ZNF329: variants seen among roughly 807,000 people sequenced by gnomAD.
The protein encoded by ZNF329 is zinc finger protein 329.
ZNF329 carries 15 observed loss-of-function variants against 26.6 expected under a neutral mutation model. The observed-to-expected ratio is 0.56, with a 90% CI of 0.38 to 0.87. The LOEUF (loss-of-function observed/expected upper bound fraction) is 0.87. Among genes scored for constraint, ZNF329 ranks in the 40% least tolerant of loss-of-function variants. ZNF329 has a pLI of 0.00. For missense variants in ZNF329, 651 were observed against 651.9 expected, an observed-to-expected ratio of 1.00 and a Z score of 0.02; for synonymous variants, 239 against 233.5, an observed-to-expected ratio of 1.02 and a Z score of -0.21.
chr19:58,144,383 T>TCTATCC (rs2075256185), intron 1 of ZNF329, among the ~76,000 whole-genome samples: 1 of 34,938 alleles, frequency 2.9e-5, no homozygotes, highest in Admixed American at 3.2e-4. Context: ...TATCTATCTA[T>TCTATCC]ATATATATAT....
At chr19:58,146,107 C>T (rs1424928003) in intron 1 of ZNF329, among the ~76,000 whole-genome samples, 2 of 151,268 alleles carry the variant, frequency 1.3e-5, no homozygotes, top group Non-Finnish European at 2.9e-5. Flanking sequence ...TGGATCAAAA[C>T]AAATACCCAA....
chr19:58,144,950 C>T (rs1261099558), intron 1 of ZNF329, among the ~76,000 whole-genome samples: 6 of 149,146 alleles, frequency 4.0e-5, no homozygotes, highest in African/African-American at 1.5e-4. Flanking sequence ...CCCGGGTTCA[C>T]GCCATTCTCC....
intron 1 of ZNF329, among the ~76,000 whole-genome samples, chr19:58,144,622 C>G (rs1310041213): frequency 6.6e-6 from 1 of 151,476 alleles, no homozygotes. Flanking sequence ...CTCCTGACCT[C>G]AGGTGATCTG....
intron 3 of ZNF329, among the ~76,000 whole-genome samples, chr19:58,134,522 A>G (rs1041446933): frequency 1.3e-5 from 2 of 152,248 alleles, no homozygotes; most frequent in African/African-American, 2.4e-5. Context: ...CATAAAAGCC[A>G]AAAGTGAAAG....
At chr19:58,135,453 G>T (rs1027934830) in intron 3 of ZNF329, among the ~76,000 whole-genome samples, 3 of 152,038 alleles carry the variant, frequency 2.0e-5, no homozygotes, top group Admixed American at 2.0e-4. Context: ...TTTTAGTAGA[G>T]ACAGGTTTCA....
At chr19:58,146,598 C>T (rs543779663) in intron 1 of ZNF329, among the ~76,000 whole-genome samples, 7 of 151,614 alleles carry the variant, frequency 4.6e-5, no homozygotes, top group South Asian at 2.1e-4. Flanking sequence ...CCTCTGATGC[C>T]GAGCCGAAGC....
chr19:58,144,693 A>AT (rs34490866), intron 1 of ZNF329, among the ~76,000 whole-genome samples: 6,291 of 127,618 alleles, frequency 0.049, 159 homozygotes, highest in Non-Finnish European at 0.054. Context: ...CCAGCCAAGA[A>AT]TTTTTTTTTT....
chr19:58,147,498 A>G, intron 1 of ZNF329, among the ~76,000 whole-genome samples: 1 of 128,204 alleles, frequency 7.8e-6, no homozygotes, highest in African/African-American at 3.2e-5. Flanking sequence ...CCTACTGGGA[A>G]GTGAGGAGCC....
At chr19:58,147,957 G>A (rs1457824948) in intron 1 of ZNF329, among the ~76,000 whole-genome samples, 1 of 152,094 alleles carries the variant, frequency 6.6e-6, no homozygotes, top group Non-Finnish European at 1.5e-5. Context: ...TAGAAAGGGG[G>A]GAAAGGTGGG....
intron 1 of ZNF329, among the ~76,000 whole-genome samples, chr19:58,146,751 C>T (rs1451404093): frequency 1.3e-5 from 2 of 152,076 alleles, no homozygotes; most frequent in African/African-American, 2.4e-5. Context: ...CGGGGTTTCG[C>T]TGTGTTGGCC....
chr19:58,127,719 G>T lies in ZNF329; in HGVS notation c.*159C>A. Reference sequence around the variant, plus strand: ...AGTTGTCTCTGGAGTTCCCCAATGAGCAGACTTAACAGTGTGGCTCAGCAA... The same window carrying T: ...AGTTGTCTCTGGAGTTCCCCAATGATCAGACTTAACAGTGTGGCTCAGCAA... On this transcript the variant is annotated 3_prime_UTR_variant, in exon 4 of 4. Transcript: ENST00000598312. 1 of 698,412 alleles carries T rather than the reference G, an allele frequency of 1.4e-6. No homozygotes were observed. Among genetic ancestry groups the T allele is most frequent in the Non-Finnish European group, 2.3e-6 (1 of 439,462 alleles). 43.3% of individuals were successfully genotyped at this position (698,412 alleles called of 1,614,324 possible).
chr19:58,128,411 G>A lies in ZNF329; in HGVS notation c.1093C>T (p.His365Tyr), dbSNP rs1568655613. ...CACTCAAAGGGCTTTTCTCCAGTGTGAGTCCTCTCATGCTGGGTGAGGTAC... is the reference window on the plus strand; with the variant it reads ...CACTCAAAGGGCTTTTCTCCAGTGTAAGTCCTCTCATGCTGGGTGAGGTAC... ...GSYLTQHERTHTGEKPFECAE... is the reference protein window; with the variant it reads ...GSYLTQHERTYTGEKPFECAE... The change falls in exon 4 of 4, where the codon CAC (histidine) becomes TAC (tyrosine). Residue 365 changes from histidine (H) to tyrosine (Y), a missense_variant. Coordinates refer to ENST00000598312, the MANE Select transcript of ZNF329 (RefSeq NM_024620.4). The A allele has an allele frequency of 6.2e-6, 10 of 1,614,076 alleles. No homozygotes were observed. Among genetic ancestry groups the A allele is most frequent in the Non-Finnish European group, 8.5e-6 (10 of 1,180,012 alleles).
intron 1 of ZNF329, among the ~76,000 whole-genome samples, chr19:58,145,666 G>A (rs2075292049): frequency 6.6e-6 from 1 of 152,106 alleles, no homozygotes; most frequent in Admixed American, 6.6e-5. Context: ...TAAAGAAAAA[G>A]ATTTGAAACA....
At chr19:58,154,529 C>T (rs889527809), upstream of ZNF329, among the ~76,000 whole-genome samples, 1 of 152,242 alleles carries the variant, frequency 6.6e-6, no homozygotes, top group Non-Finnish European at 1.5e-5. Flanking sequence ...TTCGCGAACG[C>T]CCCAGTGGAG....
At chr19:58,142,682 T>C (rs563852572) in intron 2 of ZNF329, 21 bp from the exon 3 acceptor site, 1 of 152,804 alleles carries the variant, frequency 6.5e-6, no homozygotes, top group East Asian at 1.9e-4. Context: ...CCCATAATAA[T>C]GTTTACTTTA....
At chr19:58,143,313 G>A (rs1414416623) in intron 1 of ZNF329, 115 bp from the exon 2 acceptor site, 1 of 152,142 alleles carries the variant, frequency 6.6e-6, no homozygotes, top group Non-Finnish European at 1.5e-5. Flanking sequence ...AGAGGAGCTA[G>A]ACCAGGTACA....
At chr19:58,148,594 T>C (rs1375059112) in intron 1 of ZNF329, among the ~76,000 whole-genome samples, 1 of 152,114 alleles carries the variant, frequency 6.6e-6, no homozygotes, top group African/African-American at 2.4e-5. Context: ...GGCTCACACC[T>C]GTAATCCCAC....
intron 1 of ZNF329, among the ~76,000 whole-genome samples, chr19:58,147,623 C>T (rs1287499390): frequency 4.2e-5 from 6 of 144,536 alleles, no homozygotes; most frequent in Admixed American, 6.7e-5. Flanking sequence ...CCTGGCCAGA[C>T]GCCCCGTCCA....
chr19:58,144,366 A>ATCTG (rs2075253973), intron 1 of ZNF329, among the ~76,000 whole-genome samples: 1 of 78,486 alleles, frequency 1.3e-5, no homozygotes, highest in African/African-American at 5.0e-5. Context: ...CTATCTATCT[A>ATCTG]TCTATCTATC....
Sources: allele counts gnomAD v4.1 joint callset (sites outside exome capture counted in the v4.1 genomes callset), GRCh38; gene constraint gnomAD v4.1.1; transcripts MANE v1.5; gene names NCBI Gene and HGNC (gene_info 2026-07-23, HGNC 2026-07-21).